The following RCOR1 variants were observed in gnomAD, a reference collection of about 807,000 sequenced individuals.
RCOR1 encodes the protein REST corepressor 1.
A neutral mutation model predicts 64.0 loss-of-function variants in RCOR1; 12 were observed. The observed-to-expected ratio is 0.19, with a 90% CI of 0.12 to 0.30. The LOEUF is 0.30. RCOR1 is among the 10% of genes least tolerant of loss of function. The pLI is 1.00. For missense variants in RCOR1, 502 were observed against 621.2 expected (o/e 0.81, Z 2.04); for synonymous variants, 279 against 227.2 (o/e 1.23, Z -2.05).
At chr14:102,641,216 C>T (rs572165234) in intron 2 of RCOR1, among the ~76,000 whole-genome samples, 3 of 152,098 alleles carry the variant, frequency 2.0e-5, no homozygotes, top group Admixed American at 1.3e-4. Flanking sequence ...AATTGCACCA[C>T]TGCACTCCAG....
chr14:102,622,442 T>C (rs1307573338), intron 2 of RCOR1, among the ~76,000 whole-genome samples: 1 of 152,168 alleles, frequency 6.6e-6, no homozygotes, highest in Non-Finnish European at 1.5e-5. Flanking sequence ...ATTGTTCTCA[T>C]CTTGTGCTTC....
At chr14:102,597,126 G>C (rs1464666140) in intron 2 of RCOR1, among the ~76,000 whole-genome samples, 1 of 142,902 alleles carries the variant, frequency 7.0e-6, no homozygotes. Flanking sequence ...GCCCCCCTCG[G>C]CCTCCCAAAG....
chr14:102,644,978 G>A (rs1894450824), intron 2 of RCOR1, among the ~76,000 whole-genome samples: 2 of 152,028 alleles, frequency 1.3e-5, no homozygotes, highest in Non-Finnish European at 1.5e-5. Context: ...TTGTGCTTTC[G>A]GTAGTTTTGG....
At chr14:102,724,127 T>C (rs1896218264) in intron 11 of RCOR1, among the ~76,000 whole-genome samples, 1 of 152,068 alleles carries the variant, frequency 6.6e-6, no homozygotes, top group African/African-American at 2.4e-5. Context: ...CTTTTCACAG[T>C]CTAGTTATGG....
chr14:102,698,957 C>T (rs1027997359), intron 3 of RCOR1, among the ~76,000 whole-genome samples: 1 of 151,910 alleles, frequency 6.6e-6, no homozygotes, highest in Non-Finnish European at 1.5e-5. Flanking sequence ...CTTGCTCTGT[C>T]ACCAAGGCTG....
chr14:102,633,801 A>G (rs375408125), intron 2 of RCOR1, among the ~76,000 whole-genome samples: 2 of 152,158 alleles, frequency 1.3e-5, no homozygotes, highest in East Asian at 1.9e-4. Context: ...AGCCTCCCCA[A>G]GTGCTGGGAT....
At chr14:102,691,087 G>A (rs1895522190) in intron 3 of RCOR1, among the ~76,000 whole-genome samples, 1 of 152,182 alleles carries the variant, frequency 6.6e-6, no homozygotes, top group South Asian at 2.1e-4. Context: ...TGTGTACCAA[G>A]CGCTAGCAGG....
At chr14:102,669,194 A>G (rs1894979438) in intron 2 of RCOR1, among the ~76,000 whole-genome samples, 3 of 151,886 alleles carry the variant, frequency 2.0e-5, no homozygotes, top group Admixed American at 6.6e-5. Flanking sequence ...CTGTAATCCT[A>G]TCTACTTGGG....
At chr14:102,676,442 A>G (rs1437164531) in intron 2 of RCOR1, among the ~76,000 whole-genome samples, 1 of 111,194 alleles carries the variant, frequency 9.0e-6, no homozygotes, top group Non-Finnish European at 1.8e-5. Context: ...CACCTCCCGG[A>G]CGGGGCGGCC....
chr14:102,675,263 A>G (rs1030940992), intron 2 of RCOR1, among the ~76,000 whole-genome samples: 8 of 152,072 alleles, frequency 5.3e-5, no homozygotes, highest in Non-Finnish European at 7.4e-5. Context: ...TCCCTTATCC[A>G]TGAAAGGTAT....
chr14:102,593,397 G>T, intron 2 of RCOR1, 72 bp downstream of exon 2: 1 of 1,405,346 alleles, frequency 7.1e-7, no homozygotes, highest in Non-Finnish European at 9.2e-7. Flanking sequence ...GCCCGAGGGG[G>T]CGGGAGCCCG....
chr14:102,684,803 G>A (rs868725960), intron 3 of RCOR1, among the ~76,000 whole-genome samples: 2 of 152,000 alleles, frequency 1.3e-5, no homozygotes, highest in Non-Finnish European at 2.9e-5. Flanking sequence ...CCTGAGCATC[G>A]GACCTAAGCA....
chr14:102,682,642 T>C lies in RCOR1; in HGVS notation c.445+664T>C, dbSNP rs191311803. ...AGATGGTTTTTTTGGGGATCTCTTT[T>C]CATCTCCTGTTGTCCTTCTAAGTGT... On this transcript the variant is annotated intron_variant, in intron 3 of 11. Transcript: ENST00000262241. Among the ~76,000 whole-genome samples, 30 of 152,336 alleles carry C rather than the reference T, an allele frequency of 2.0e-4. No individual in the cohort carries two copies. The East Asian group carries it at 4.4e-3, about 22-fold the overall frequency.
chr14:102,653,353 GGACCAC>G (rs1463156872), intron 2 of RCOR1, among the ~76,000 whole-genome samples: 43 of 152,110 alleles, frequency 2.8e-4, no homozygotes, highest in African/African-American at 1.0e-3. Context: ...TGAGTAGCTG[GGACCAC>G]AGGCACTCGC....
At chr14:102,695,436 G>A (rs920395724) in intron 3 of RCOR1, 2 of 152,220 alleles carry the variant, frequency 1.3e-5, no homozygotes, top group African/African-American at 4.8e-5. Context: ...CACAATTGCA[G>A]ATGGAACTCC....
chr14:102,650,823 C>CA (rs1341515289), intron 2 of RCOR1: 2 of 180,734 alleles, frequency 1.1e-5, no homozygotes, highest in African/African-American at 4.8e-5. Context: ...TGTTCTTTAC[C>CA]AACTGAGTTA....
Position 102,681,997 on chromosome 14 carries a change from T to TC in RCOR1, c.445+19_445+20insC. On this transcript the variant is annotated intron_variant, in intron 3 of 11. Transcript: ENST00000262241. The stretch of plus-strand genomic sequence containing the variant: ...GCAAAGTGTAAGTCTTGGAGCACTT[T>TC]ATTTTCCACCTTTCTTGTTTAATGT... The TC allele has an allele frequency of 6.4e-7, 1 of 1,569,932 alleles. No individual in the cohort carries two copies. Among genetic ancestry groups the TC allele is most frequent in the Non-Finnish European group, 8.8e-7 (1 of 1,140,308 alleles).
At chr14:102,622,125 G>C (rs1893887123) in intron 2 of RCOR1, among the ~76,000 whole-genome samples, 1 of 152,150 alleles carries the variant, frequency 6.6e-6, no homozygotes, top group African/African-American at 2.4e-5. Flanking sequence ...CTGGGACTTG[G>C]GCAGGTAGAA....
At chr14:102,642,729 G>A (rs1243730012) in intron 2 of RCOR1, among the ~76,000 whole-genome samples, 1 of 152,070 alleles carries the variant, frequency 6.6e-6, no homozygotes, top group East Asian at 1.9e-4. Flanking sequence ...CCAGGTACTC[G>A]GGATGCTGAG....
Sources: gnomAD v4.1 joint callset for allele counts (sites outside exome capture counted in the v4.1 genomes callset) on GRCh38, gnomAD v4.1.1 for gene constraint, MANE v1.5 for transcripts, NCBI Gene and HGNC (gene_info 2026-07-23, HGNC 2026-07-21) for gene names.